SF1: variants seen among roughly 807,000 people sequenced by gnomAD.
SF1 encodes splicing factor 1.
A neutral mutation model predicts 62.5 loss-of-function variants in SF1; 7 were observed. That is an observed-to-expected ratio of 0.11 (90% CI 0.06 to 0.21). The LOEUF (loss-of-function observed/expected upper bound fraction) is 0.21. Among genes scored for constraint, SF1 ranks in the 10% least tolerant of loss-of-function variants. SF1 has a pLI of 1.00. For synonymous variants in SF1, 394 were observed against 323.6 expected (o/e 1.22, Z -2.33); for missense variants, 578 against 884.0 (o/e 0.65, Z 4.39).
chr11:64,766,199 C>G, intron 12 of SF1, 44 bp from the exon 13 acceptor site: 1 of 1,521,134 alleles, frequency 6.6e-7, no homozygotes, highest in African/African-American at 1.4e-5. Context: ...CGGGGGCACA[C>G]CGCGGCTGTC....
In SF1 at chr11:64,769,652, C is replaced by T. The variant is rs944136548; in HGVS notation, c.480-43G>A. ...ACTAAGTTTATACCTGACAAATTCA[C>T]ACTCAAGAGGGAAGAGAGGCTGGAC... is the stretch of plus-strand genomic sequence containing the variant. On this transcript the variant is annotated intron_variant, in intron 5 of 12. Transcript: ENST00000377390. The T allele has an allele frequency of 4.5e-6, 7 of 1,557,866 alleles. No homozygotes were observed. The South Asian group carries it at 4.6e-5, about 10-fold the overall frequency.
chr11:64,778,229 G>A, intron 1 of SF1, 133 bp downstream of exon 1: 13 of 1,185,148 alleles, frequency 1.1e-5, no homozygotes, highest in Non-Finnish European at 1.4e-5. Flanking sequence ...GGCCCCCATC[G>A]AGCCCACGGG....
At position 64,767,261 on chromosome 11, in the gene SF1, A is replaced by G. The variant is rs2058743831; in HGVS notation, c.1343-10T>C. The G allele has an allele frequency of 6.2e-7, 1 of 1,613,602 alleles. No homozygotes were observed. The highest frequency in any genetic ancestry group is 1.3e-5 in the African/African-American group (1 of 74,916). On this transcript the variant is annotated splice_polypyrimidine_tract_variant and intron_variant, in intron 10 of 12. Coordinates refer to ENST00000377390, the MANE Select transcript of SF1 (RefSeq NM_004630.4). ...CTTCCCAGGTACTGATCTTGATGGAAGGAAAGAGCAGGGACTTAGCAGGAC... is the reference window on the plus strand; with the variant it reads ...CTTCCCAGGTACTGATCTTGATGGAGGGAAAGAGCAGGGACTTAGCAGGAC...
intron 2 of SF1, 44 bp downstream of exon 2, chr11:64,776,454 C>T: frequency 6.6e-7 from 1 of 1,522,136 alleles, no homozygotes; most frequent in Non-Finnish European, 8.9e-7. Context: ...CAGAATAAAT[C>T]GTAACAATCT....
At chr11:64,776,707 C>A in intron 1 of SF1, 81 bp from the exon 2 acceptor site, 1 of 1,353,612 alleles carries the variant, frequency 7.4e-7, no homozygotes, top group Non-Finnish European at 1.0e-6. Context: ...AGGTACTACA[C>A]AGAAACTCAG....
intron 1 of SF1, among the ~76,000 whole-genome samples, chr11:64,776,911 G>C (rs1939357399): frequency 1.3e-5 from 2 of 152,290 alleles, no homozygotes; most frequent in South Asian, 4.1e-4. Flanking sequence ...AATGCATATG[G>C]CTGCAGAGAG....
intron 3 of SF1, chr11:64,770,628 T>C (rs972739655): frequency 2.3e-6 from 1 of 439,184 alleles, no homozygotes; most frequent in Non-Finnish European, 4.0e-6. Flanking sequence ...AGGAAAAAAA[T>C]AAAAGATTTT....
intron 1 of SF1, chr11:64,778,099 C>G: frequency 1.1e-6 from 1 of 914,560 alleles, no homozygotes; most frequent in Non-Finnish European, 1.3e-6. Context: ...GCGGCTGCGG[C>G]GGCGGGTACG....
intron 1 of SF1, chr11:64,778,075 C>G (rs1939665746): frequency 1.0e-6 from 1 of 976,166 alleles, no homozygotes; most frequent in African/African-American, 1.8e-5. Context: ...GCTGGTAGAG[C>G]GGCGGCGGAG....
chr11:64,770,559 G>A (rs1938154714), intron 3 of SF1, 151 bp from the exon 4 acceptor site: 6 of 784,170 alleles, frequency 7.7e-6, no homozygotes, highest in East Asian at 2.7e-5. Flanking sequence ...ACTCAAGATC[G>A]TGTGGAATGG....
At chr11:64,777,187 G>A (rs1939417202) in intron 1 of SF1, among the ~76,000 whole-genome samples, 1 of 152,200 alleles carries the variant, frequency 6.6e-6, no homozygotes, top group South Asian at 2.1e-4. Flanking sequence ...AGTTTTCCTG[G>A]CCAGTTGGAC....
chr11:64,766,027 G>C lies in SF1; in HGVS notation c.1711C>G (p.Pro571Ala). The stretch of plus-strand genomic sequence containing the variant: ...GGCGGCAGAGGCGGCTGGACCCCGG[G>C]GGGCAGGGGCACCATAGTGGGGTTG... ...QGNPTMVPLP[P>A]GVQPPLPPGA... is the part of the protein sequence containing the mutation. Residue 571 changes from proline to alanine, a missense_variant, in exon 13 of 13, where the codon CCC becomes GCC. Coordinates refer to ENST00000377390, the MANE Select transcript of SF1 (RefSeq NM_004630.4). The C allele has an allele frequency of 6.2e-7, 1 of 1,609,702 alleles. No homozygotes were observed. The highest frequency in any genetic ancestry group is 8.5e-7 in the Non-Finnish European group (1 of 1,178,606).
intron 5 of SF1, 103 bp from the exon 6 acceptor site, chr11:64,769,712 G>C: frequency 9.2e-7 from 1 of 1,090,128 alleles, no homozygotes; most frequent in Non-Finnish European, 1.3e-6. Context: ...CAAGCGCAGA[G>C]AATTGGATTT....
chr11:64,773,836 T>TACCATTG (rs1283633904), intron 2 of SF1, among the ~76,000 whole-genome samples: 1 of 152,190 alleles, frequency 6.6e-6, no homozygotes, highest in East Asian at 1.9e-4. Flanking sequence ...AAGGCTTGCT[T>TACCATTG]ACCATTGGTA....
At chr11:64,769,175 CCAT>C in intron 7 of SF1, 45 bp downstream of exon 7, 1 of 1,608,346 alleles carries the variant, frequency 6.2e-7, no homozygotes, top group South Asian at 1.1e-5. Flanking sequence ...ATCTCTACTT[CCAT>C]AGGTTCTTCA....
Position 64,765,110 on chromosome 11 carries a change from TGG to T in SF1, c.*706_*707del. The T allele has an allele frequency of 4.7e-6, 1 of 213,208 alleles. No homozygotes were observed. Among genetic ancestry groups the T allele is most frequent in the South Asian group, 1.3e-4 (1 of 7,554 alleles). 13.2% of individuals were successfully genotyped at this position (213,208 alleles called of 1,614,324 possible). On this transcript the variant is annotated 3_prime_UTR_variant, in exon 13 of 13. Coordinates refer to ENST00000377390, the MANE Select transcript of SF1 (RefSeq NM_004630.4). The stretch of plus-strand genomic sequence containing the variant: ...ACCCCACGCTTTAAACAAACATCTT[TGG>T]GGGTGGCTATGGCACCTTGAAAAAC...
At position 64,778,461 on chromosome 11, in the gene SF1, G is replaced by C. The variant is rs1251893069; in HGVS notation, c.-69C>G. On this transcript the variant is annotated 5_prime_UTR_variant, in exon 1 of 13. Transcript: ENST00000377390. Reference sequence around the variant, plus strand: ...GCGGCTTCTCCTTCGCAAGCCTCCCGGGGGGAGGGGACCCGAATGCGCTGC... The same window carrying C: ...GCGGCTTCTCCTTCGCAAGCCTCCCCGGGGGAGGGGACCCGAATGCGCTGC... 11 of 1,210,940 alleles carry C rather than the reference G, an allele frequency of 9.1e-6. No homozygotes were observed. Among genetic ancestry groups the C allele is most frequent in the African/African-American group, 4.7e-5 (3 of 63,308 alleles). 75.0% of individuals were successfully genotyped at this position (1,210,940 alleles called of 1,614,324 possible).
At chr11:64,775,379 G>A (rs891393090) in intron 2 of SF1, among the ~76,000 whole-genome samples, 4 of 152,138 alleles carry the variant, frequency 2.6e-5, no homozygotes, top group African/African-American at 7.2e-5. Flanking sequence ...CTCCACTAGG[G>A]GCATTTCACA....
chr11:64,774,115 G>A (rs1331939564), intron 2 of SF1, among the ~76,000 whole-genome samples: 2 of 151,896 alleles, frequency 1.3e-5, no homozygotes, highest in South Asian at 2.1e-4. Flanking sequence ...TACTAGTAAG[G>A]GTCTCCCAAT....
Sources: gnomAD v4.1 joint callset for allele counts (sites outside exome capture counted in the v4.1 genomes callset) on GRCh38, gnomAD v4.1.1 for gene constraint, MANE v1.5 for transcripts, NCBI Gene and HGNC (gene_info 2026-07-23, HGNC 2026-07-21) for gene names.